The following SLC26A5 variants were observed in gnomAD, a reference collection of about 807,000 sequenced individuals.
SLC26A5 encodes solute carrier family 26 member 5, also known as prestin.
A neutral mutation model predicts 81.0 loss-of-function variants in SLC26A5; 51 were observed. That is an observed-to-expected ratio of 0.63 (90% CI 0.50 to 0.80). The LOEUF is 0.80. SLC26A5 is among the 30% of genes least tolerant of loss of function. The pLI is 0.00. For missense variants in SLC26A5, 771 were observed against 905.8 expected (o/e 0.85, Z 1.91); for synonymous variants, 325 against 332.8 (o/e 0.98, Z 0.25).
At chr7:103,405,504 A>G (rs1823971401) in intron 8 of SLC26A5, among the ~76,000 whole-genome samples, 1 of 152,146 alleles carries the variant, frequency 6.6e-6, no homozygotes, top group African/African-American at 2.4e-5. Flanking sequence ...CCTGGGTATC[A>G]CCAGCGAAGG....
chr7:103,421,181 T>C (rs535345474), intron 3 of SLC26A5, among the ~76,000 whole-genome samples, 182 bp downstream of exon 3: 1 of 152,338 alleles, frequency 6.6e-6, no homozygotes, highest in African/African-American at 2.4e-5. Context: ...GTGAAATTCA[T>C]GATGAAGCCT....
At chr7:103,416,122 T>A (rs975704929) in intron 4 of SLC26A5, among the ~76,000 whole-genome samples, 2 of 152,262 alleles carry the variant, frequency 1.3e-5, no homozygotes. Context: ...TTTTGTTTCA[T>A]AGATTCAATG....
intron 2 of SLC26A5, among the ~76,000 whole-genome samples, chr7:103,424,513 T>A (rs924510645): frequency 6.6e-6 from 1 of 152,224 alleles, no homozygotes; most frequent in African/African-American, 2.4e-5. Flanking sequence ...ATCTTATAGA[T>A]TATGTCTGCT....
chr7:103,374,080 A>C, downstream of SLC26A5: 1 of 686,536 alleles, frequency 1.5e-6, no homozygotes, highest in Non-Finnish European at 1.9e-6. Flanking sequence ...ACAAAGAACC[A>C]CTATGTAATA....
chr7:103,435,298 A>G (rs1229881148), intron 2 of SLC26A5, among the ~76,000 whole-genome samples: 2 of 152,174 alleles, frequency 1.3e-5, no homozygotes, highest in Non-Finnish European at 2.9e-5. Context: ...TCCTCTGGCA[A>G]TAGTAATTGT....
intron 2 of SLC26A5, among the ~76,000 whole-genome samples, chr7:103,431,369 C>T (rs1826071774): frequency 6.6e-6 from 1 of 151,220 alleles, no homozygotes; most frequent in South Asian, 2.1e-4. Flanking sequence ...GTCACCCAGG[C>T]TGGAGTGCAG....
chr7:103,355,036 T>C lies in SLC26A5; in HGVS notation c.2042-2110A>G. On this transcript the variant is annotated intron_variant, in intron 19 of 19. Coordinates refer to the SLC26A5 transcript ENST00000339444. The stretch of plus-strand genomic sequence containing the variant: ...TTTAAATACAGATTTTACTCCTTCA[T>C]GATTACAGATTTAAAAAAAATCATT... 5 of 851,766 alleles carry C rather than the reference T, an allele frequency of 5.9e-6. No individual in the cohort carries two copies. In the South Asian group the frequency reaches 7.7e-5, roughly 13 times the overall value. The allele number at this position is 851,766 out of a possible 1,614,324, so 52.8% of individuals were successfully genotyped here. A position where few individuals can be genotyped will look rare whatever the true frequency, so the allele number is the denominator to read the frequency against.
intron 19 of SLC26A5, chr7:103,366,246 G>T (rs1310156877): frequency 7.9e-7 from 1 of 1,267,250 alleles, no homozygotes; most frequent in East Asian, 2.3e-5. Context: ...TGTTAATCTT[G>T]TACAGAATTT....
At chr7:103,391,566 T>C in intron 11 of SLC26A5, 56 bp downstream of exon 11, 1 of 1,420,354 alleles carries the variant, frequency 7.0e-7, no homozygotes, top group Non-Finnish European at 9.9e-7. Flanking sequence ...AATCAAAAGA[T>C]TAAAATTTAA....
chr7:103,389,326 T>G lies in SLC26A5; in HGVS notation c.1407+3A>C. ...TAACAGAGCCATCACCTTTGTTACT[T>G]ACCAGCTCTATTTTGCTGGTTCTCC... On this transcript the variant is annotated splice_donor_region_variant and intron_variant, in intron 13 of 19. Transcript: ENST00000306312. The G allele has an allele frequency of 6.3e-7, 1 of 1,597,816 alleles. No individual in the cohort carries two copies. The highest frequency in any genetic ancestry group is 8.6e-7 in the Non-Finnish European group (1 of 1,165,148).
chr7:103,410,090 T>C (rs1824367361), intron 7 of SLC26A5, among the ~76,000 whole-genome samples: 1 of 152,196 alleles, frequency 6.6e-6, no homozygotes, highest in South Asian at 2.1e-4. Flanking sequence ...CATGATTTAG[T>C]TGTAAGAAAA....
chr7:103,410,440 T>C lies in SLC26A5; in HGVS notation c.680A>G (p.Lys227Arg). Residue 227 changes from lysine to arginine, a missense_variant, in exon 7 of 20, where the codon AAA becomes AGA. Lys to Arg is a conservative substitution (Grantham distance 26, BLOSUM62 2). Transcript: ENST00000306312. ...AAVHVFTSML[K>R]YLFGVKTKRY... Reference sequence around the variant, plus strand: ...CTTTGTTTTAACTCCAAACAGATATTTTAACATGGAGGTGAAGACATGCAC... The same window carrying C: ...CTTTGTTTTAACTCCAAACAGATATCTTAACATGGAGGTGAAGACATGCAC... 1 of 1,614,028 alleles carries C rather than the reference T, an allele frequency of 6.2e-7. No individual in the cohort carries two copies. The highest frequency in any genetic ancestry group is 8.5e-7 in the Non-Finnish European group (1 of 1,179,942).
chr7:103,390,520 G>A lies in SLC26A5; in HGVS notation c.1234-14C>T. 2 of 1,607,352 alleles carry A rather than the reference G, an allele frequency of 1.2e-6. No homozygotes were observed. Among genetic ancestry groups the A allele is most frequent in the East Asian group, 4.5e-5 (2 of 44,848 alleles). The stretch of plus-strand genomic sequence containing the variant: ...ACAACCTGCAAGCTGAATGAGAGAA[G>A]ACACATGGAAGGGGCTTTTAGGAGA... On this transcript the variant is annotated splice_polypyrimidine_tract_variant and intron_variant, in intron 11 of 19. Coordinates refer to ENST00000306312, the MANE Select transcript of SLC26A5 (RefSeq NM_198999.3).
chr7:103,445,298 G>A (rs35536563), intron 1 of SLC26A5: 12,800 of 152,224 alleles, frequency 0.084, 733 homozygotes, highest in East Asian at 0.23. Context: ...ACGCCTTCCC[G>A]GCGGGGCCCG....
intron 18 of SLC26A5, among the ~76,000 whole-genome samples, chr7:103,377,226 G>C (rs182637809): frequency 6.6e-6 from 1 of 152,224 alleles, no homozygotes; most frequent in East Asian, 1.9e-4. Context: ...CAATCCTCCT[G>C]CTTCAGCCTC....
intron 19 of SLC26A5, chr7:103,368,120 C>G: frequency 2.9e-6 from 4 of 1,377,528 alleles, no homozygotes; most frequent in Non-Finnish European, 3.9e-6. Context: ...TTGTTAATAA[C>G]CAATTCATAA....
At chr7:103,439,585 G>GT (rs1826716441) in intron 2 of SLC26A5, among the ~76,000 whole-genome samples, 1 of 152,172 alleles carries the variant, frequency 6.6e-6, no homozygotes, top group African/African-American at 2.4e-5. Context: ...CCAGGCTGGA[G>GT]TGCAGTGGTG....
Position 103,444,713 on chromosome 7 carries a change from G to A in SLC26A5, c.-183+1385C>T, listed in dbSNP as rs182114558. ...AAAAGAAATGCTACATAAGAGAATT[G>A]GGGCTTCAGGTGTTACCTAATAGAC... is the stretch of plus-strand genomic sequence containing the variant. On this transcript the variant is annotated intron_variant, in intron 1 of 19. Transcript: ENST00000306312. 2.4e-4 allele frequency among the ~76,000 whole-genome samples: 37 copies of A among 152,294 alleles called. 1 individual carries two copies. The highest frequency in any genetic ancestry group is 5.3e-4 in the Non-Finnish European group (36 of 68,020).
intron 19 of SLC26A5, among the ~76,000 whole-genome samples, chr7:103,357,818 C>T (rs539800275): frequency 6.6e-6 from 1 of 152,206 alleles, no homozygotes; most frequent in East Asian, 1.9e-4. Flanking sequence ...ACTCAACCTC[C>T]CACTTTCTCT....
Sources: allele counts gnomAD v4.1 joint callset (sites outside exome capture counted in the v4.1 genomes callset), GRCh38; gene constraint gnomAD v4.1.1; transcripts MANE v1.5; gene names NCBI Gene and HGNC (gene_info 2026-07-23, HGNC 2026-07-21).